OR4M1: variants seen among roughly 807,000 people sequenced by gnomAD.
The protein encoded by OR4M1 is olfactory receptor family 4 subfamily M member 1.
A neutral mutation model predicts 9.8 loss-of-function variants in OR4M1; 7 were observed. The ratio of observed to expected loss-of-function variants is 0.71; its 90% CI spans 0.41 to 1.34. The LOEUF (loss-of-function observed/expected upper bound fraction) is 1.34. Ranked by LOEUF, OR4M1 falls within the 40% of genes most tolerant of loss-of-function variation. The pLI, the probability that OR4M1 is intolerant of heterozygous loss-of-function variation, is 0.01. For synonymous variants in OR4M1, 121 were observed against 139.8 expected, an observed-to-expected ratio of 0.87 and a Z score of 0.95; for missense variants, 331 against 380.4, an observed-to-expected ratio of 0.87 and a Z score of 1.08.
intron 1 of OR4M1, among the ~76,000 whole-genome samples, chr14:19,778,794 C>T (rs544976200): frequency 4.2e-4 from 63 of 151,426 alleles, no homozygotes; most frequent in African/African-American, 1.5e-3. Context: ...GGAAATATGT[C>T]ATTCTGGATA....
chr14:19,783,193 G>C lies in OR4M1; in HGVS notation c.*1929G>C, dbSNP rs1878555157. The C allele has an allele frequency of 6.6e-6, 1 of 152,268 alleles. No homozygotes were observed. The highest frequency in any genetic ancestry group is 1.5e-5 in the Non-Finnish European group (1 of 68,064). The allele number at this position is 152,268 out of a possible 1,614,324, so 9.4% of individuals were successfully genotyped here. ...TCAATGAAGAAAAAGGGGAACTTTT[G>C]GCAAACTCTAGTAAGTAATAACTGA... On this transcript the variant is annotated 3_prime_UTR_variant, in exon 2 of 2. Coordinates refer to ENST00000641200, the MANE Select transcript of OR4M1 (RefSeq NM_001005500.2).
In OR4M1 at chr14:19,782,967, T is replaced by G. The variant is rs1257797385; in HGVS notation, c.*1703T>G. The G allele has an allele frequency of 6.6e-6, 1 of 152,248 alleles. No individual in the cohort carries two copies. The highest frequency in any genetic ancestry group is 1.5e-5 in the Non-Finnish European group (1 of 68,048). The allele number at this position is 152,248 out of a possible 1,614,324, so 9.4% of individuals were successfully genotyped here. A position where few individuals can be genotyped will look rare whatever the true frequency, so the allele number is the denominator to read the frequency against. ...CCAGACTTCTATTCATTTTGTCACT[T>G]ATCTTTCATCAAACTAGGGCTGATG... On this transcript the variant is annotated 3_prime_UTR_variant, in exon 2 of 2. Coordinates refer to ENST00000641200, the MANE Select transcript of OR4M1 (RefSeq NM_001005500.2).
Position 19,782,754 on chromosome 14 carries a change from A to C in OR4M1, c.*1490A>C, listed in dbSNP as rs1047858346. ...CCCAAAGGCATGGATTGATGTTATG[A>C]GTCCTGATTTTTGAGTTGACTTCTC... On this transcript the variant is annotated 3_prime_UTR_variant, in exon 2 of 2. Transcript: ENST00000641200. The C allele has an allele frequency of 6.6e-6, 1 of 152,234 alleles. No individual in the cohort carries two copies. The highest frequency in any genetic ancestry group is 2.4e-5 in the African/African-American group (1 of 41,466). 9.4% of individuals were successfully genotyped at this position (152,234 alleles called of 1,614,324 possible).
rs751650133 is a variant in OR4M1, at chr14:19,781,037, A to G, written c.715A>G (p.Met239Val). 4 of 1,614,114 alleles carry G rather than the reference A, an allele frequency of 2.5e-6. No individual in the cohort carries two copies. The highest frequency in any genetic ancestry group is 3.4e-6 in the Non-Finnish European group (4 of 1,180,048). ...SGSGENTNRAMSTCYSHITIV... is the reference protein window; with the variant it reads ...SGSGENTNRAVSTCYSHITIV... Reference sequence around the variant, plus strand: ...CTCAGGTGAGAATACCAACAGGGCCATGTCCACCTGCTATTCCCACATTAC... The same window carrying G: ...CTCAGGTGAGAATACCAACAGGGCCGTGTCCACCTGCTATTCCCACATTAC... Residue 239 changes from methionine to valine, a missense_variant, in exon 2 of 2, where the codon ATG becomes GTG. Around this residue, in one of 2 missense-constraint regions of OR4M1, gnomAD observed 122 missense variants for 180.5 expected, o/e 0.68. Coordinates refer to ENST00000641200, the MANE Select transcript of OR4M1 (RefSeq NM_001005500.2).
intron 1 of OR4M1, among the ~76,000 whole-genome samples, chr14:19,777,543 TTTA>T (rs1878349638): frequency 6.6e-6 from 1 of 152,208 alleles, no homozygotes; most frequent in South Asian, 2.1e-4. Flanking sequence ...TGTTTACTTA[TTTA>T]TTGTCTATAT....
chr14:19,774,531 C>A (rs1433319515), intron 1 of OR4M1, among the ~76,000 whole-genome samples: 9 of 152,154 alleles, frequency 5.9e-5, no homozygotes, highest in Non-Finnish European at 1.3e-4. Context: ...TGAAAAATTA[C>A]AATGTAATGA....
rs1347723273 is a variant in OR4M1, at chr14:19,780,307, A to C, written c.-16A>C. On this transcript the variant is annotated 5_prime_UTR_variant, in exon 2 of 2. Transcript: ENST00000641200. Reference sequence around the variant, plus strand: ...TAATTTTCATAGTTATATTATGAAAAGAGTAAATTGAAGAAATGGAAACTG... The same window carrying C: ...TAATTTTCATAGTTATATTATGAAACGAGTAAATTGAAGAAATGGAAACTG... 1 of 1,588,958 alleles carries C rather than the reference A, an allele frequency of 6.3e-7. No individual in the cohort carries two copies. Among genetic ancestry groups the C allele is most frequent in the Non-Finnish European group, 8.6e-7 (1 of 1,169,280 alleles).
chr14:19,780,184 A>G, intron 1 of OR4M1, 110 bp from the exon 2 acceptor site: 1 of 974,554 alleles, frequency 1.0e-6, no homozygotes, highest in Non-Finnish European at 1.5e-6. Context: ...AACCAAATGT[A>G]TCCTCATGTA....
intron 1 of OR4M1, among the ~76,000 whole-genome samples, chr14:19,775,608 GTATATATAATTTATAT>G (rs1566449934): frequency 6.9e-6 from 1 of 145,802 alleles, no homozygotes; most frequent in African/African-American, 2.5e-5. Flanking sequence ...TAATATATAA[GTATATATAATTTATAT>G]TATATATAAA....
At position 19,781,293 on chromosome 14, in the gene OR4M1, C is replaced by T; in HGVS notation, c.*29C>T. ...ATAAATTATACATTTTATAGTCCTC[C>T]TGAGGATCATTGTCCTAAAGCAGGA... On this transcript the variant is annotated 3_prime_UTR_variant, in exon 2 of 2. Coordinates refer to ENST00000641200, the MANE Select transcript of OR4M1 (RefSeq NM_001005500.2). 6.5e-7 allele frequency: 1 copy of T among 1,533,218 alleles called. No homozygotes were observed. The highest frequency in any genetic ancestry group is 1.2e-5 in the South Asian group (1 of 83,158). 95.0% of individuals were successfully genotyped at this position (1,533,218 alleles called of 1,614,324 possible).
chr14:19,782,941 G>C lies in OR4M1; in HGVS notation c.*1677G>C, dbSNP rs1266358565. 1.3e-5 allele frequency: 2 copies of C among 152,284 alleles called. No homozygotes were observed. The highest frequency in any genetic ancestry group is 2.9e-5 in the Non-Finnish European group (2 of 68,034). The allele number at this position is 152,284 out of a possible 1,614,324, so 9.4% of individuals were successfully genotyped here. ...CTGTCATTTCTCTGTATTTGATCTA[G>C]CCAGACTTCTATTCATTTTGTCACT... On this transcript the variant is annotated 3_prime_UTR_variant, in exon 2 of 2. Coordinates refer to ENST00000641200, the MANE Select transcript of OR4M1 (RefSeq NM_001005500.2).
rs1197349135 is a variant in OR4M1 at position 19,783,196 on chromosome 14, A to C, written c.*1932A>C. On this transcript the variant is annotated 3_prime_UTR_variant, in exon 2 of 2. Coordinates refer to ENST00000641200, the MANE Select transcript of OR4M1 (RefSeq NM_001005500.2). ...ATGAAGAAAAAGGGGAACTTTTGGC[A>C]AACTCTAGTAAGTAATAACTGAGCC... 6.6e-6 allele frequency: 1 copy of C among 152,306 alleles called. No homozygotes were observed. The highest frequency in any genetic ancestry group is 2.4e-5 in the African/African-American group (1 of 41,474). The allele number at this position is 152,306 out of a possible 1,614,324, so 9.4% of individuals were successfully genotyped here.
At chr14:19,775,556 A>G (rs892062420) in intron 1 of OR4M1, among the ~76,000 whole-genome samples, 10 of 147,428 alleles carry the variant, frequency 6.8e-5, no homozygotes, top group African/African-American at 2.2e-4. Flanking sequence ...TATAATATAT[A>G]TTATAATATA....
At chr14:19,778,922 G>A (rs778626447) in intron 1 of OR4M1, among the ~76,000 whole-genome samples, 3 of 152,188 alleles carry the variant, frequency 2.0e-5, no homozygotes, top group Non-Finnish European at 2.9e-5. Context: ...TGGACATGGG[G>A]AAATTGATCC....
At chr14:19,778,826 T>TG (rs1878382858) in intron 1 of OR4M1, among the ~76,000 whole-genome samples, 1 of 4,326 alleles carries the variant, frequency 2.3e-4, no homozygotes, top group Non-Finnish European at 6.0e-3. Context: ...TTTCTTTTGA[T>TG]TAAATCTTCC....
intron 1 of OR4M1, among the ~76,000 whole-genome samples, chr14:19,777,149 C>A (rs1310356176): frequency 6.6e-6 from 1 of 150,634 alleles, no homozygotes; most frequent in African/African-American, 2.4e-5. Flanking sequence ...GCTATTCTGT[C>A]GAGTTTTATT....
rs1194154768 is a variant in OR4M1, at chr14:19,781,621, C to A, written c.*357C>A. 1 of 227,794 alleles carries A rather than the reference C, an allele frequency of 4.4e-6. No individual in the cohort carries two copies. Among genetic ancestry groups the A allele is most frequent in the Non-Finnish European group, 8.6e-6 (1 of 116,182 alleles). The allele number at this position is 227,794 out of a possible 1,614,324, so 14.1% of individuals were successfully genotyped here. On this transcript the variant is annotated 3_prime_UTR_variant, in exon 2 of 2. Coordinates refer to ENST00000641200, the MANE Select transcript of OR4M1 (RefSeq NM_001005500.2). ...ATAAGACATGGAGACGTGTCCATTA[C>A]AAATATGAAGTAAATGGCAAGCATA...
chr14:19,780,512 G>A lies in OR4M1; in HGVS notation c.190G>A (p.Ala64Thr), dbSNP rs114064896. The A allele has an allele frequency of 2.3e-3, 3,637 of 1,613,954 alleles. 61 individuals are homozygous for A. The African/African-American group carries it at 0.044, about 19-fold the overall frequency. The stretch of plus-strand genomic sequence containing the variant: ...GACTTCTCCTATGTATTTCCTGTTG[G>A]CTAATCTGGCCCTCCTTGATATTTG... ...HLTSPMYFLL[A>T]NLALLDIWYS... The change falls in exon 2 of 2, where the codon GCT becomes ACT. Residue 64 changes from alanine (A) to threonine (T), a missense_variant. Transcript: ENST00000641200.
Position 19,783,461 on chromosome 14 carries a change from C to T in OR4M1, c.*2197C>T, listed in dbSNP as rs1287382697. ...AAGAACTCCATCAGGTTGAGAAACT[C>T]TGACTTAAATAATGGGCAGGGATAA... On this transcript the variant is annotated 3_prime_UTR_variant, in exon 2 of 2. Coordinates refer to ENST00000641200, the MANE Select transcript of OR4M1 (RefSeq NM_001005500.2). 6.6e-6 allele frequency: 1 copy of T among 152,404 alleles called. No individual in the cohort carries two copies. Among genetic ancestry groups the T allele is most frequent in the Non-Finnish European group, 1.5e-5 (1 of 68,130 alleles). The allele number at this position is 152,404 out of a possible 1,614,324, so 9.4% of individuals were successfully genotyped here.
Sources: gnomAD v4.1 joint callset for allele counts (sites outside exome capture counted in the v4.1 genomes callset) on GRCh38, gnomAD v4.1.1 for gene constraint, gnomAD v4.1.1 regional missense constraint, MANE v1.5 for transcripts, NCBI Gene and HGNC (gene_info 2026-07-23, HGNC 2026-07-21) for gene names.